HVCN1: variants seen among roughly 807,000 people sequenced by gnomAD.
The protein encoded by HVCN1 is voltage-gated hydrogen channel 1.
In HVCN1, 14 loss-of-function variants were observed where a neutral mutation model predicts 29.2. That is an observed-to-expected ratio of 0.48 (90% CI 0.32 to 0.75). The LOEUF is 0.75. Among genes scored for constraint, HVCN1 ranks in the 30% least tolerant of loss-of-function variants. The pLI is 0.04. For missense variants in HVCN1, 263 were observed against 341.8 expected, an observed-to-expected ratio of 0.77 and a Z score of 1.82; for synonymous variants, 131 against 133.2, an observed-to-expected ratio of 0.98 and a Z score of 0.11.
intron 4 of HVCN1, among the ~76,000 whole-genome samples, chr12:110,655,642 A>G (rs2067964045): frequency 6.6e-6 from 1 of 151,350 alleles, no homozygotes; most frequent in Non-Finnish European, 1.5e-5. Context: ...ACCTTTGGTC[A>G]CTGTTTCCCA....
chr12:110,655,099 C>T (rs547740642), intron 5 of HVCN1, 135 bp downstream of exon 5: 131 of 606,246 alleles, frequency 2.2e-4, no homozygotes, highest in Non-Finnish European at 3.3e-4. Flanking sequence ...GAAAGGAAGA[C>T]GAAAACACCT....
At chr12:110,653,662 T>C (rs1035469981) in intron 5 of HVCN1, among the ~76,000 whole-genome samples, 3 of 151,304 alleles carry the variant, frequency 2.0e-5, no homozygotes, top group Non-Finnish European at 4.4e-5. Context: ...GCCAACATGG[T>C]GAAATCTCAT....
In HVCN1 at chr12:110,659,743, A is replaced by T. The variant is rs183665435; in HGVS notation, c.306+1421T>A. Among the ~76,000 whole-genome samples the T allele has an allele frequency of 2.0e-5, 3 of 152,026 alleles. No individual in the cohort carries two copies. In the East Asian group the frequency reaches 5.8e-4, roughly 29 times the overall value. The stretch of plus-strand genomic sequence containing the variant: ...AGACCAGCCTGGGCAACATAGCAAG[A>T]TCCCATCTCTTAAAAAAAAAGCCCT... On this transcript the variant is annotated intron_variant, in intron 4 of 7. Coordinates refer to ENST00000242607, the MANE Select transcript of HVCN1 (RefSeq NM_032369.4).
At chr12:110,649,544 C>T in intron 7 of HVCN1, 69 bp from the exon 8 acceptor site, 1 of 1,122,354 alleles carries the variant, frequency 8.9e-7, no homozygotes, top group Non-Finnish European at 1.3e-6. Context: ...ATCAATCATT[C>T]AGTGAGCCCC....
intron 1 of HVCN1, chr12:110,702,461 A>G (rs1033532762): frequency 6.6e-6 from 1 of 152,094 alleles, no homozygotes; most frequent in Non-Finnish European, 1.5e-5. Context: ...GCAAGACAAT[A>G]CAATAAACTA....
rs1013132388 is a variant in HVCN1 at position 110,658,484 on chromosome 12, C to T, written c.306+2680G>A. Reference sequence around the variant, plus strand: ...ATTGCCTGCTGGCAACACCCATACCCGATCCACGTGCGCCCTTCTCAATTC... The same window carrying T: ...ATTGCCTGCTGGCAACACCCATACCTGATCCACGTGCGCCCTTCTCAATTC... On this transcript the variant is annotated intron_variant, in intron 4 of 7. Transcript: ENST00000242607. This position sits in a 1 kb window ranked among gnomAD's most constrained non-coding sequence, Gnocchi z 5.0. 7.9e-5 allele frequency among the ~76,000 whole-genome samples: 12 copies of T among 152,168 alleles called. No homozygotes were observed. The highest frequency in any genetic ancestry group is 1.9e-4 in the East Asian group (1 of 5,186).
intron 2 of HVCN1, among the ~76,000 whole-genome samples, chr12:110,701,206 C>T (rs1309255218): frequency 6.6e-6 from 1 of 152,220 alleles, no homozygotes; most frequent in Non-Finnish European, 1.5e-5. Context: ...CTGTCACTTT[C>T]ACCTGAAGAG....
intron 2 of HVCN1, among the ~76,000 whole-genome samples, chr12:110,699,419 C>G (rs978372585): frequency 6.6e-6 from 1 of 152,108 alleles, no homozygotes; most frequent in African/African-American, 2.4e-5. Flanking sequence ...CCAGGCCCCC[C>G]ACCCAAGCCA....
Position 110,661,570 on chromosome 12 carries a change from G to T in HVCN1, c.22-122C>A. On this transcript the variant is annotated intron_variant, in intron 3 of 7. Coordinates refer to ENST00000242607, the MANE Select transcript of HVCN1 (RefSeq NM_032369.4). This position sits in a 1 kb window ranked among gnomAD's most constrained non-coding sequence, Gnocchi z 6.2. ...CCCGGGTGCGTAGAACCCCCTGCAA[G>T]CAGAGACCATGAGGTCACGGTGGTT... is the stretch of plus-strand genomic sequence containing the variant. 1.2e-6 allele frequency: 1 copy of T among 836,420 alleles called. No individual in the cohort carries two copies. Among genetic ancestry groups the T allele is most frequent in the Non-Finnish European group, 1.9e-6 (1 of 539,702 alleles). The allele number at this position is 836,420 out of a possible 1,614,324, so 51.8% of individuals were successfully genotyped here.
At chr12:110,670,587 G>GA (rs2068542986) in intron 3 of HVCN1, among the ~76,000 whole-genome samples, 1 of 152,138 alleles carries the variant, frequency 6.6e-6, no homozygotes, top group Non-Finnish European at 1.5e-5. Context: ...GTGAGGGGGG[G>GA]CCTTGTCCAA....
chr12:110,669,357 C>T (rs546051860), intron 3 of HVCN1, among the ~76,000 whole-genome samples: 1 of 152,216 alleles, frequency 6.6e-6, no homozygotes, highest in African/African-American at 2.4e-5. Context: ...TCTCCAATGC[C>T]AACCTGACTG....
intron 3 of HVCN1, among the ~76,000 whole-genome samples, chr12:110,670,118 C>T (rs2068524210): frequency 6.6e-6 from 1 of 152,178 alleles, no homozygotes; most frequent in Admixed American, 6.5e-5. Context: ...ACCTCTTTTA[C>T]AGGTATTAGA....
chr12:110,693,786 A>G (rs1466063931), upstream of HVCN1, among the ~76,000 whole-genome samples: 1 of 152,242 alleles, frequency 6.6e-6, no homozygotes, highest in Non-Finnish European at 1.5e-5. Flanking sequence ...GATAGCTGGC[A>G]TCATTTGTAA....
chr12:110,689,612 T>G (rs940675390), upstream of HVCN1: 5 of 152,372 alleles, frequency 3.3e-5, no homozygotes, highest in Admixed American at 2.0e-4. This position sits in a 1 kb window ranked among gnomAD's most constrained non-coding sequence, Gnocchi z 5.7. Flanking sequence ...CATGCAGGGG[T>G]GGAGGGTGGG....
intron 5 of HVCN1, among the ~76,000 whole-genome samples, chr12:110,654,173 G>A (rs770309815): frequency 2.2e-4 from 34 of 152,024 alleles, no homozygotes; most frequent in Non-Finnish European, 3.5e-4. Flanking sequence ...AGTGTCGCAC[G>A]CCTGTAATCC....
At chr12:110,670,330 C>T (rs1030524670) in intron 3 of HVCN1, among the ~76,000 whole-genome samples, 1 of 152,172 alleles carries the variant, frequency 6.6e-6, no homozygotes, top group Admixed American at 6.5e-5. Context: ...CTCCCAACTC[C>T]CATGGCCTGA....
chr12:110,651,133 C>T, intron 6 of HVCN1, 84 bp downstream of exon 6: 1 of 1,000,756 alleles, frequency 1.0e-6, no homozygotes, highest in Non-Finnish European at 1.5e-6. Flanking sequence ...AGCTCAGGCA[C>T]CCAGAGTGAC....
At chr12:110,679,232 G>A (rs2068858170) in intron 3 of HVCN1, among the ~76,000 whole-genome samples, 1 of 152,188 alleles carries the variant, frequency 6.6e-6, no homozygotes, top group East Asian at 1.9e-4. Flanking sequence ...CTGCGGTGGT[G>A]GATGTGCAGC....
chr12:110,679,083 C>T (rs2068853126), intron 3 of HVCN1, among the ~76,000 whole-genome samples: 1 of 152,212 alleles, frequency 6.6e-6, no homozygotes. Flanking sequence ...TCAGCTATCC[C>T]TCTTTCCTCC....
Sources: allele counts gnomAD v4.1 joint callset (sites outside exome capture counted in the v4.1 genomes callset), GRCh38; gene constraint gnomAD v4.1.1; non-coding constraint Gnocchi (gnomAD v3.1); transcripts MANE v1.5; gene names NCBI Gene and HGNC (gene_info 2026-07-23, HGNC 2026-07-21).